The following EEFSEC variants were observed in gnomAD, a reference collection of about 807,000 sequenced individuals.
The protein encoded by EEFSEC is eukaryotic elongation factor, selenocysteine-tRNA specific, also known as selenocysteine-specific elongation factor.
A neutral mutation model predicts 42.1 loss-of-function variants in EEFSEC; 43 were observed. The ratio of observed to expected loss-of-function variants is 1.02; its 90% CI spans 0.80 to 1.32. The LOEUF is 1.32. Ranked by LOEUF, EEFSEC falls within the 40% of genes most tolerant of loss-of-function variation. EEFSEC has a pLI of 0.00. For synonymous variants in EEFSEC, 354 were observed against 339.1 expected (o/e 1.04, Z -0.48); for missense variants, 745 against 803.6 (o/e 0.93, Z 0.88).
chr3:128,411,805 G>A (rs1003279635), downstream of EEFSEC, among the ~76,000 whole-genome samples: 1 of 152,158 alleles, frequency 6.6e-6, no homozygotes, highest in East Asian at 1.9e-4. Flanking sequence ...GGGAAGCCCT[G>A]GGGGCCTGGG....
chr3:128,353,027 A>G (rs2067407272), intron 5 of EEFSEC, among the ~76,000 whole-genome samples: 1 of 152,242 alleles, frequency 6.6e-6, no homozygotes, highest in Admixed American at 6.5e-5. Flanking sequence ...ATCCTCACTT[A>G]ACATTGTCAC....
intron 1 of EEFSEC, among the ~76,000 whole-genome samples, chr3:128,164,446 G>T (rs1052419441): frequency 6.6e-6 from 1 of 152,192 alleles, no homozygotes; most frequent in African/African-American, 2.4e-5. Context: ...GATGACCTGT[G>T]GATTTCCAGG....
At chr3:128,288,771 T>G (rs963620868) in intron 4 of EEFSEC, among the ~76,000 whole-genome samples, 1 of 152,252 alleles carries the variant, frequency 6.6e-6, no homozygotes, top group African/African-American at 2.4e-5. Flanking sequence ...GAAGAATAAC[T>G]TGGATGCCAG....
chr3:128,415,538 C>G, the EEFSEC span, among the ~76,000 whole-genome samples: 5 of 152,194 alleles, frequency 3.3e-5, no homozygotes. Context: ...CAGTGCTCAC[C>G]GTGGGGGGAT....
In EEFSEC at chr3:128,317,629, C is replaced by T. The variant is rs1021234184; in HGVS notation, c.787-23604C>T. Among the ~76,000 whole-genome samples, 10 of 152,230 alleles carry T rather than the reference C, an allele frequency of 6.6e-5. No individual in the cohort carries two copies. Among genetic ancestry groups the T allele is most frequent in the African/African-American group, 1.7e-4 (7 of 41,468 alleles). ...CTCCTCACCCCTGTGTGGCATCTCA[C>T]GGTATTCATCTGCCGGCAGAGGAGA... On this transcript the variant is annotated intron_variant, in intron 4 of 6. Coordinates refer to ENST00000254730, the MANE Select transcript of EEFSEC (RefSeq NM_021937.5). This position sits in a 1 kb window ranked among gnomAD's most constrained non-coding sequence, Gnocchi z 4.1.
rs2068150104 is a variant in EEFSEC at position 128,408,572 on chromosome 3, C to T, written c.*313C>T. 4 of 284,258 alleles carry T rather than the reference C, an allele frequency of 1.4e-5. No individual in the cohort carries two copies. The East Asian group carries it at 2.3e-4, about 17-fold the overall frequency. 17.6% of individuals were successfully genotyped at this position (284,258 alleles called of 1,614,324 possible). On this transcript the variant is annotated 3_prime_UTR_variant, in exon 7 of 7. Transcript: ENST00000254730. Reference sequence around the variant, plus strand: ...CCCCATCTGTTGGCCACCTGCAGGCCAGTCTCAACCCTCCCCCAGGTGGGC... The same window carrying T: ...CCCCATCTGTTGGCCACCTGCAGGCTAGTCTCAACCCTCCCCCAGGTGGGC...
Position 128,255,849 on chromosome 3 carries a change from C to T in EEFSEC, c.525-6279C>T, listed in dbSNP as rs755315493. Among the ~76,000 whole-genome samples, 6 of 144,170 alleles carry T rather than the reference C, an allele frequency of 4.2e-5. 1 individual carries two copies. Among genetic ancestry groups the T allele is most frequent in the African/African-American group, 5.0e-5 (2 of 40,138 alleles). 94.6% of individuals were successfully genotyped at this position (144,170 alleles called of 152,430 possible). On this transcript the variant is annotated intron_variant, in intron 2 of 6. Transcript: ENST00000254730. ...GGAAGAGCTTGGAGGGGCTGGGGAG[C>T]GGGGCCGGGGCTGGGGTATCAGCAT...
At chr3:128,403,388 A>T (rs568809318) in intron 6 of EEFSEC, among the ~76,000 whole-genome samples, 1 of 152,292 alleles carries the variant, frequency 6.6e-6, no homozygotes, top group South Asian at 2.1e-4. Context: ...GCAGGGAGGA[A>T]GATGGGGGCA....
At position 128,252,165 on chromosome 3, in the gene EEFSEC, AGAGCCCTCTGTCTG is replaced by A. The variant is rs535632404; in HGVS notation, c.524+5129_524+5142del. Among the ~76,000 whole-genome samples the A allele has an allele frequency of 1.5e-3, 229 of 152,228 alleles. 1 individual carries two copies. The highest frequency in any genetic ancestry group is 5.4e-3 in the African/African-American group (225 of 41,532). ...CTATTTCCTTCTGTCTGTTTTAGCCAGAGCCCTCTGTCTGGAGCCCACCAGGGACTCCATTGATC... is the reference window on the plus strand; with the variant it reads ...CTATTTCCTTCTGTCTGTTTTAGCCAGAGCCCACCAGGGACTCCATTGATC... On this transcript the variant is annotated intron_variant, in intron 2 of 6. Coordinates refer to ENST00000254730, the MANE Select transcript of EEFSEC (RefSeq NM_021937.5).
At chr3:128,167,802 C>T (rs527495494) in intron 1 of EEFSEC, among the ~76,000 whole-genome samples, 2 of 152,342 alleles carry the variant, frequency 1.3e-5, no homozygotes, top group East Asian at 1.9e-4. Context: ...ATAGATCCCT[C>T]CCAGATCGTA....
intron 4 of EEFSEC, among the ~76,000 whole-genome samples, chr3:128,311,179 T>A (rs964692428): frequency 5.3e-5 from 8 of 152,248 alleles, no homozygotes; most frequent in Non-Finnish European, 1.2e-4. Flanking sequence ...CATGGTCTCC[T>A]CATTCATTGA....
rs573057041 is a variant in EEFSEC at position 128,353,019 on chromosome 3, C to T, written c.1444-5198C>T. 2.0e-5 allele frequency among the ~76,000 whole-genome samples: 3 copies of T among 152,282 alleles called. No individual in the cohort carries two copies. The South Asian group carries it at 6.2e-4, about 32-fold the overall frequency. ...AGTTATGGAGACCTGTACAGTAAAT[C>T]CTCACTTAACATTGTCACTAGCTTC... On this transcript the variant is annotated intron_variant, in intron 5 of 6. Transcript: ENST00000254730.
chr3:128,246,973 C>T lies in EEFSEC; in HGVS notation c.454C>T (p.Pro152Ser), dbSNP rs181759924. 1.2e-4 allele frequency: 189 copies of T among 1,614,114 alleles called. No homozygotes were observed. The highest frequency in any genetic ancestry group is 5.5e-4 in the Admixed American group (33 of 60,008). ...VVVLNKIDLL[P>S]EGKRQAAIDK... ...GGTGCTGAACAAAATAGACCTCTTA[C>T]CTGAAGGAAAGAGACAGGCAGCAAT... Residue 152 changes from proline to serine, a missense_variant, in exon 2 of 7, where the codon CCT becomes TCT. Physicochemically the swap from Pro to Ser is moderately conservative, Grantham distance 74. Coordinates refer to ENST00000254730, the MANE Select transcript of EEFSEC (RefSeq NM_021937.5).
At chr3:128,288,965 G>A (rs1370736579) in intron 4 of EEFSEC, among the ~76,000 whole-genome samples, 1 of 152,208 alleles carries the variant, frequency 6.6e-6, no homozygotes, top group Non-Finnish European at 1.5e-5. Context: ...TGAAATGGTG[G>A]CCTTTGCAGT....
intron 1 of EEFSEC, among the ~76,000 whole-genome samples, chr3:128,226,897 C>A (rs1355666470): frequency 6.6e-6 from 1 of 152,134 alleles, no homozygotes; most frequent in Non-Finnish European, 1.5e-5. Context: ...CAGTATCAGG[C>A]ATCTTGAGAA....
intron 4 of EEFSEC, among the ~76,000 whole-genome samples, chr3:128,329,311 C>T (rs1214767513): frequency 2.0e-5 from 3 of 152,148 alleles, no homozygotes; most frequent in Non-Finnish European, 4.4e-5. Context: ...GTTGCCCCTG[C>T]ACAGCTGCAC....
chr3:128,209,695 A>C (rs1255554400), intron 1 of EEFSEC, among the ~76,000 whole-genome samples: 1 of 152,262 alleles, frequency 6.6e-6, no homozygotes. Flanking sequence ...TATGTACACA[A>C]GTACACATAT....
At chr3:128,207,435 C>T (rs1399721911) in intron 1 of EEFSEC, among the ~76,000 whole-genome samples, 2 of 152,052 alleles carry the variant, frequency 1.3e-5, no homozygotes, top group African/African-American at 2.4e-5. Flanking sequence ...AACACCCACT[C>T]GATTATAAAT....
chr3:128,286,536 G>C (rs1357096826), intron 4 of EEFSEC, among the ~76,000 whole-genome samples: 1 of 152,190 alleles, frequency 6.6e-6, no homozygotes, highest in Non-Finnish European at 1.5e-5. Context: ...TGCTCAAATG[G>C]TTCCAGCCTT....
Sources: allele counts gnomAD v4.1 joint callset (sites outside exome capture counted in the v4.1 genomes callset), GRCh38; gene constraint gnomAD v4.1.1; non-coding constraint Gnocchi (gnomAD v3.1); transcripts MANE v1.5; gene names NCBI Gene and HGNC (gene_info 2026-07-23, HGNC 2026-07-21).